MAGI2: variants seen among roughly 807,000 people sequenced by gnomAD.
The protein encoded by MAGI2 is membrane associated guanylate kinase, WW and PDZ domain containing 2.
MAGI2 carries 35 observed loss-of-function variants against 133.3 expected under a neutral mutation model. The ratio of observed to expected loss-of-function variants is 0.26; its 90% CI spans 0.20 to 0.35. The LOEUF (loss-of-function observed/expected upper bound fraction) is 0.35. Ranked by LOEUF, MAGI2 falls within the 10% of genes least tolerant of loss-of-function variation. The pLI is 1.00. For synonymous variants in MAGI2, 729 were observed against 710.6 expected (o/e 1.03, Z -0.41); for missense variants, 1,636 against 1,863.4 (o/e 0.88, Z 2.25).
intron 9 of MAGI2, among the ~76,000 whole-genome samples, chr7:78,304,527 C>T (rs1798095884): frequency 6.6e-6 from 1 of 152,172 alleles, no homozygotes; most frequent in South Asian, 2.1e-4. Context: ...TCATTTTTAT[C>T]TTATTTCTTC....
At chr7:79,179,780 C>T (rs13222396) in intron 1 of MAGI2, among the ~76,000 whole-genome samples, 105,071 of 151,858 alleles carry the variant, frequency 0.69, 39,476 homozygotes, top group Non-Finnish European at 0.84. Flanking sequence ...CAACTCAAGG[C>T]GGATTAAAAA....
intron 1 of MAGI2, among the ~76,000 whole-genome samples, chr7:79,258,867 T>C (rs1833882353): frequency 6.6e-6 from 1 of 152,222 alleles, no homozygotes; most frequent in South Asian, 2.1e-4. Context: ...CTTAAGTAAT[T>C]CATCACACAA....
chr7:78,370,502 A>T (rs2191325), intron 6 of MAGI2, among the ~76,000 whole-genome samples: 124,841 of 151,846 alleles, frequency 0.82, 51,441 homozygotes, highest in Admixed American at 0.86. Flanking sequence ...CTTTTATCAT[A>T]TTTCTATAAT....
intron 2 of MAGI2, among the ~76,000 whole-genome samples, chr7:78,926,019 C>T (rs995862514): frequency 6.6e-6 from 1 of 151,978 alleles, no homozygotes; most frequent in Non-Finnish European, 1.5e-5. Context: ...TCATACTTTT[C>T]ATTTTGTACA....
At chr7:78,624,119 A>C (rs1286091523) in intron 3 of MAGI2, among the ~76,000 whole-genome samples, 1 of 151,908 alleles carries the variant, frequency 6.6e-6, no homozygotes, top group African/African-American at 2.4e-5. Flanking sequence ...GGCCACTTGT[A>C]TGTCTTTTGA....
intron 3 of MAGI2, among the ~76,000 whole-genome samples, chr7:78,553,700 C>A (rs529306684): frequency 1.1e-4 from 17 of 152,180 alleles, no homozygotes; most frequent in Non-Finnish European, 2.2e-4. Context: ...GTGACACAAG[C>A]GTTTGTGCAG....
At chr7:78,789,419 A>C (rs1827092702) in intron 2 of MAGI2, among the ~76,000 whole-genome samples, 1 of 152,232 alleles carries the variant, frequency 6.6e-6, no homozygotes, top group Admixed American at 6.5e-5. Flanking sequence ...AAGATGTAAA[A>C]TCCACAGACG....
At chr7:78,809,622 C>T (rs1284413161) in intron 2 of MAGI2, among the ~76,000 whole-genome samples, 1 of 151,910 alleles carries the variant, frequency 6.6e-6, no homozygotes, top group Non-Finnish European at 1.5e-5. Context: ...TTTGGTTTCC[C>T]AGTTGCCTTA....
At chr7:79,167,382 AC>A (rs1224687995) in intron 1 of MAGI2, among the ~76,000 whole-genome samples, 6 of 68,692 alleles carry the variant, frequency 8.7e-5, no homozygotes, top group Admixed American at 5.3e-4. Context: ...GTAAACTAAC[AC>A]CCCCCAAAAA....
At chr7:78,941,454 A>T (rs1243437927) in intron 2 of MAGI2, among the ~76,000 whole-genome samples, 2 of 152,054 alleles carry the variant, frequency 1.3e-5, no homozygotes, top group East Asian at 3.9e-4. Flanking sequence ...GGTTCAAGTG[A>T]TTCTTGTGCC....
At chr7:78,342,917 C>A (rs1206415230) in intron 9 of MAGI2, among the ~76,000 whole-genome samples, 2 of 152,128 alleles carry the variant, frequency 1.3e-5, no homozygotes, top group Admixed American at 1.3e-4. Flanking sequence ...ATGTAACAAA[C>A]CTGCTCGTTC....
intron 2 of MAGI2, among the ~76,000 whole-genome samples, chr7:78,642,725 T>C (rs1409854895): frequency 6.6e-6 from 1 of 152,210 alleles, no homozygotes; most frequent in African/African-American, 2.4e-5. Context: ...GTACTCTGCT[T>C]TTTGCATGCA....
At chr7:78,182,434 T>C (rs1236307841) in intron 13 of MAGI2, among the ~76,000 whole-genome samples, 1 of 152,226 alleles carries the variant, frequency 6.6e-6, no homozygotes, top group African/African-American at 2.4e-5. Flanking sequence ...AAGCACGTGT[T>C]AGCCATAGTA....
At chr7:78,202,749 C>G (rs1829376395) in intron 10 of MAGI2, among the ~76,000 whole-genome samples, 1 of 148,996 alleles carries the variant, frequency 6.7e-6, no homozygotes, top group African/African-American at 2.5e-5. Context: ...TTCCTTAGAA[C>G]CTAGAGTTAC....
At chr7:78,893,174 A>G (rs1452214963) in intron 2 of MAGI2, among the ~76,000 whole-genome samples, 5 of 151,978 alleles carry the variant, frequency 3.3e-5, no homozygotes, top group Non-Finnish European at 7.4e-5. Flanking sequence ...TCAAAACCAC[A>G]AGGAGATACC....
Position 79,393,136 on chromosome 7 carries a change from T to G in MAGI2, c.301+59884A>C, listed in dbSNP as rs1423045663. Reference sequence around the variant, plus strand: ...TCATAATCTTTAAATTACTGTGTGTTGGTAGTTGAAATCTGTTTCATTAAA... The same window carrying G: ...TCATAATCTTTAAATTACTGTGTGTGGGTAGTTGAAATCTGTTTCATTAAA... On this transcript the variant is annotated intron_variant, in intron 1 of 21. Coordinates refer to ENST00000354212, the MANE Select transcript of MAGI2 (RefSeq NM_012301.4). 3.3e-5 allele frequency among the ~76,000 whole-genome samples: 5 copies of G among 152,314 alleles called. No homozygotes were observed. The South Asian group carries it at 6.2e-4, about 19-fold the overall frequency.
At chr7:79,230,797 T>A (rs1831301573) in intron 1 of MAGI2, among the ~76,000 whole-genome samples, 1 of 151,722 alleles carries the variant, frequency 6.6e-6, no homozygotes, top group African/African-American at 2.4e-5. Context: ...TTTAGTTTAA[T>A]TAGATCCCAT....
At chr7:79,126,542 A>G (rs1046203631) in intron 1 of MAGI2, among the ~76,000 whole-genome samples, 1 of 152,162 alleles carries the variant, frequency 6.6e-6, no homozygotes, top group Non-Finnish European at 1.5e-5. Flanking sequence ...ATACAGTGAC[A>G]GAGCCATGAC....
At chr7:78,264,977 G>T (rs1793856367) in intron 9 of MAGI2, among the ~76,000 whole-genome samples, 1 of 152,112 alleles carries the variant, frequency 6.6e-6, no homozygotes, top group South Asian at 2.1e-4. Context: ...AGGATACTAA[G>T]ATACTGGAGT....
Sources: gnomAD v4.1 joint callset for allele counts (sites outside exome capture counted in the v4.1 genomes callset) on GRCh38, gnomAD v4.1.1 for gene constraint, MANE v1.5 for transcripts, NCBI Gene and HGNC (gene_info 2026-07-23, HGNC 2026-07-21) for gene names.